SGCZ: variants seen among roughly 807,000 people sequenced by gnomAD.
The protein encoded by SGCZ is zeta-sarcoglycan.
SGCZ carries 40 observed loss-of-function variants against 41.3 expected under a neutral mutation model. That is an observed-to-expected ratio of 0.97 (90% CI 0.75 to 1.26). The LOEUF (loss-of-function observed/expected upper bound fraction) is 1.26, where lower values mean the gene tolerates loss of function less well. SGCZ is among the 50% of genes most tolerant of loss of function. SGCZ has a pLI of 0.00. For missense variants in SGCZ, 552 were observed against 369.8 expected (o/e 1.49, Z -4.04); for synonymous variants, 206 against 137.5 (o/e 1.50, Z -3.49).
chr8:14,723,502 C>T (rs1228670972), intron 1 of SGCZ, among the ~76,000 whole-genome samples: 2 of 152,076 alleles, frequency 1.3e-5, no homozygotes, highest in Non-Finnish European at 2.9e-5. Context: ...AGCTGGGGAC[C>T]TTTGTGCACA....
chr8:14,211,870 G>A (rs150459412), intron 4 of SGCZ, among the ~76,000 whole-genome samples: 30 of 152,194 alleles, frequency 2.0e-4, no homozygotes, highest in African/African-American at 5.3e-4. Context: ...CAAGAGGACA[G>A]ATGTCCAGAA....
At chr8:14,663,104 A>G (rs1421202769) in intron 1 of SGCZ, among the ~76,000 whole-genome samples, 1 of 152,218 alleles carries the variant, frequency 6.6e-6, no homozygotes, top group African/African-American at 2.4e-5. Context: ...CTATAAAACT[A>G]TAACATTGGT....
intron 2 of SGCZ, among the ~76,000 whole-genome samples, chr8:14,389,554 T>C (rs748044911): frequency 4.0e-5 from 6 of 151,020 alleles, no homozygotes; most frequent in Admixed American, 2.6e-4. Flanking sequence ...AACAACGGAA[T>C]GTATCAAACC....
intron 1 of SGCZ, among the ~76,000 whole-genome samples, chr8:14,571,567 A>AT (rs952227487): frequency 2.6e-5 from 4 of 151,748 alleles, no homozygotes; most frequent in South Asian, 4.2e-4. Context: ...CAATGTATAA[A>AT]TTTTTTTTTC....
chr8:14,803,211 T>C (rs1242234330), intron 1 of SGCZ, among the ~76,000 whole-genome samples: 1 of 152,112 alleles, frequency 6.6e-6, no homozygotes, highest in Non-Finnish European at 1.5e-5. Flanking sequence ...AAGACCAAAC[T>C]GTCCCGGGAG....
chr8:14,811,858 A>G (rs1212083366), intron 1 of SGCZ, among the ~76,000 whole-genome samples: 2 of 152,048 alleles, frequency 1.3e-5, no homozygotes, highest in Non-Finnish European at 2.9e-5. Flanking sequence ...TAGTGGAACC[A>G]CAAAGATATC....
intron 1 of SGCZ, among the ~76,000 whole-genome samples, chr8:14,597,550 C>A (rs1483132034): frequency 6.6e-6 from 1 of 152,096 alleles, no homozygotes; most frequent in Non-Finnish European, 1.5e-5. Flanking sequence ...CTCACTGCAA[C>A]CTCCGCCTTC....
At chr8:14,927,065 T>C (rs1439509927) in intron 1 of SGCZ, among the ~76,000 whole-genome samples, 3 of 151,838 alleles carry the variant, frequency 2.0e-5, no homozygotes, top group African/African-American at 7.3e-5. Context: ...AATTTAAATT[T>C]AAAATATACT....
chr8:14,711,051 G>A (rs1335286767), intron 1 of SGCZ, among the ~76,000 whole-genome samples: 1 of 152,078 alleles, frequency 6.6e-6, no homozygotes, highest in African/African-American at 2.4e-5. Context: ...AAGATTAAAT[G>A]TTCAAATTAA....
At chr8:14,459,183 C>T (rs753385947) in intron 2 of SGCZ, among the ~76,000 whole-genome samples, 12 of 152,074 alleles carry the variant, frequency 7.9e-5, no homozygotes, top group South Asian at 6.2e-4. Flanking sequence ...AACCAAACAC[C>T]GCATGTTTTC....
At chr8:14,337,183 C>A (rs149504310) in intron 2 of SGCZ, among the ~76,000 whole-genome samples, 3 of 152,244 alleles carry the variant, frequency 2.0e-5, no homozygotes, top group African/African-American at 7.2e-5. Flanking sequence ...GGAAGACATG[C>A]AGAAGCCTTC....
chr8:14,759,758 C>T (rs951779761), intron 1 of SGCZ, among the ~76,000 whole-genome samples: 1 of 152,080 alleles, frequency 6.6e-6, no homozygotes, highest in African/African-American at 2.4e-5. Flanking sequence ...TTCAGCTCTC[C>T]TTGATAAAGG....
At chr8:14,182,925 G>A (rs542011502) in intron 4 of SGCZ, among the ~76,000 whole-genome samples, 4 of 149,826 alleles carry the variant, frequency 2.7e-5, no homozygotes, top group East Asian at 2.0e-4. Flanking sequence ...CAGGAGAATC[G>A]CTTGAACCCA....
At chr8:14,975,976 G>A (rs538380557) in intron 1 of SGCZ, among the ~76,000 whole-genome samples, 1 of 134,212 alleles carries the variant, frequency 7.5e-6, no homozygotes, top group South Asian at 2.5e-4. Flanking sequence ...GTGTGCGTGT[G>A]TGTATGTGTG....
intron 1 of SGCZ, among the ~76,000 whole-genome samples, chr8:15,053,876 T>C (rs963746581): frequency 6.6e-6 from 1 of 152,220 alleles, no homozygotes. Flanking sequence ...CATGCTGTTC[T>C]GTGAGTGTCA....
intron 1 of SGCZ, among the ~76,000 whole-genome samples, chr8:14,718,293 C>T (rs1425351017): frequency 6.6e-6 from 1 of 151,650 alleles, no homozygotes; most frequent in African/African-American, 2.4e-5. Context: ...GAGACAGCTG[C>T]TATAAGGATT....
chr8:15,007,184 C>T (rs1802636101), intron 1 of SGCZ, among the ~76,000 whole-genome samples: 1 of 152,142 alleles, frequency 6.6e-6, no homozygotes, highest in South Asian at 2.1e-4. Flanking sequence ...TATAGTTAAT[C>T]CCAATATTAA....
In SGCZ at chr8:15,121,708, G is replaced by T. The variant is rs61014207; in HGVS notation, c.39+115877C>A. On this transcript the variant is annotated intron_variant, in intron 1 of 7. Coordinates refer to ENST00000382080, the MANE Select transcript of SGCZ (RefSeq NM_139167.4). ...ACAGACACTCTCAAGTGAGGCTTTGGGTCCTGAACCACAGGAGGCTGGCAG... is the reference window on the plus strand; with the variant it reads ...ACAGACACTCTCAAGTGAGGCTTTGTGTCCTGAACCACAGGAGGCTGGCAG... 4.4e-3 allele frequency among the ~76,000 whole-genome samples: 665 copies of T among 152,186 alleles called. 7 individuals carry two copies. Among genetic ancestry groups the T allele is most frequent in the African/African-American group, 0.015 (638 of 41,500 alleles).
intron 1 of SGCZ, among the ~76,000 whole-genome samples, chr8:15,044,923 A>G (rs1230862555): frequency 6.6e-6 from 1 of 152,104 alleles, no homozygotes; most frequent in Admixed American, 6.6e-5. Context: ...ATAGTAAATT[A>G]TGATGGTTTT....
Sources: gnomAD v4.1 joint callset for allele counts (sites outside exome capture counted in the v4.1 genomes callset) on GRCh38, gnomAD v4.1.1 for gene constraint, MANE v1.5 for transcripts, NCBI Gene and HGNC (gene_info 2026-07-23, HGNC 2026-07-21) for gene names.